Variants in COL14A1 observed in about 807,000 individuals in gnomAD.
The protein encoded by COL14A1 is collagen type XIV alpha 1 chain.
COL14A1 carries 136 observed loss-of-function variants against 230.3 expected under a neutral mutation model. The observed-to-expected ratio is 0.59, with a 90% CI of 0.51 to 0.68. COL14A1 has a LOEUF of 0.68. Ranked by LOEUF, COL14A1 falls within the 30% of genes least tolerant of loss-of-function variation. The probability of loss-of-function intolerance (pLI) is 0.00; values close to 1 mark genes in which losing one functional copy is unlikely to be tolerated. For missense variants in COL14A1, 1,976 were observed against 2,215.8 expected, an observed-to-expected ratio of 0.89 and a Z score of 2.17; for synonymous variants, 792 against 784.1, an observed-to-expected ratio of 1.01 and a Z score of -0.17.
intron 14 of COL14A1, among the ~76,000 whole-genome samples, chr8:120,220,101 A>AAT (rs1215594089): frequency 6.6e-6 from 1 of 152,066 alleles, no homozygotes; most frequent in Non-Finnish European, 1.5e-5. Context: ...CTAATTTTAG[A>AAT]ATATATAATT....
intron 23 of COL14A1, among the ~76,000 whole-genome samples, chr8:120,259,878 A>G (rs1819270353): frequency 6.6e-6 from 1 of 152,162 alleles, no homozygotes; most frequent in South Asian, 2.1e-4. Flanking sequence ...AGGGATAGCT[A>G]AGGGTCAAAA....
At chr8:120,332,520 A>T (rs1262399826) in intron 41 of COL14A1, 144 bp from the exon 42 acceptor site, 1 of 674,974 alleles carries the variant, frequency 1.5e-6, no homozygotes, top group East Asian at 2.8e-5. Flanking sequence ...CGTTTTTGGG[A>T]GTTGGGAACA....
At chr8:120,276,027 AAC>A (rs1382065547) in intron 26 of COL14A1, among the ~76,000 whole-genome samples, 1 of 151,906 alleles carries the variant, frequency 6.6e-6, no homozygotes, top group Non-Finnish European at 1.5e-5. Flanking sequence ...GACACCAGTA[AAC>A]ATATGTTTAT....
At chr8:120,213,904 C>CT (rs71571669) in intron 13 of COL14A1, 162,331 of 411,690 alleles carry the variant, frequency 0.39, 32,797 homozygotes, top group Middle Eastern at 0.47. Context: ...AATTATATTG[C>CT]TTTTTTTTCT....
chr8:120,244,060 G>A, intron 20 of COL14A1, 52 bp downstream of exon 20: 3 of 1,587,174 alleles, frequency 1.9e-6, no homozygotes, highest in Non-Finnish European at 2.6e-6. Flanking sequence ...AAATGGAAAT[G>A]CTTGTCCCCT....
intron 26 of COL14A1, among the ~76,000 whole-genome samples, chr8:120,272,684 A>G (rs746167123): frequency 6.6e-6 from 1 of 151,682 alleles, no homozygotes; most frequent in Non-Finnish European, 1.5e-5. Context: ...CAACAATAGT[A>G]GAAAAAAAAG....
Position 120,270,126 on chromosome 8 carries a change from A to C in COL14A1, c.3165A>C (p.Leu1055=), listed in dbSNP as rs138612865. Residue 1055 remains leucine, a synonymous_variant, in exon 26 of 48, where the codon CTA becomes CTC. Transcript: ENST00000297848. The part of the protein sequence containing the change: ...DENFNKIISF[L]YSTVGALNKI... ...ATTTCAATAAGATCATCAGCTTTCT[A>C]TACAGCACTGTTGGAGCCCTGAACA... 6.2e-7 allele frequency: 1 copy of C among 1,611,552 alleles called. No individual in the cohort carries two copies.
chr8:120,129,740 A>G (rs1814466168), intron 1 of COL14A1, among the ~76,000 whole-genome samples: 1 of 152,214 alleles, frequency 6.6e-6, no homozygotes, highest in African/African-American at 2.4e-5. Flanking sequence ...TTGGGAGCAG[A>G]GTGTCTGCCA....
chr8:120,165,567 A>G (rs987887500), intron 4 of COL14A1, among the ~76,000 whole-genome samples: 7 of 152,204 alleles, frequency 4.6e-5, no homozygotes, highest in Admixed American at 2.6e-4. Context: ...TGTTGTCGTA[A>G]GAAATACCAT....
At chr8:120,153,582 G>A (rs1815364681) in intron 2 of COL14A1, among the ~76,000 whole-genome samples, 1 of 152,134 alleles carries the variant, frequency 6.6e-6, no homozygotes, top group Admixed American at 6.6e-5. Flanking sequence ...AATATAATTG[G>A]TTGCCCTATC....
rs527453733 is a variant in COL14A1 at position 120,171,742 on chromosome 8, G to A, written c.436+3495G>A. ...GATTTCAGATTTATATCTTTCACCA[G>A]GATTAGAAAATTCTTAACCTTTAAC... On this transcript the variant is annotated intron_variant, in intron 5 of 47. Coordinates refer to ENST00000297848, the MANE Select transcript of COL14A1 (RefSeq NM_021110.4). Among the ~76,000 whole-genome samples the A allele has an allele frequency of 4.6e-5, 7 of 152,004 alleles. No homozygotes were observed. In the South Asian group the frequency reaches 1.5e-3, roughly 32 times the overall value.
Position 120,342,420 on chromosome 8 carries a change from G to C in COL14A1, c.4862G>C (p.Arg1621Pro). The C allele has an allele frequency of 6.2e-7, 1 of 1,613,924 alleles. No individual in the cohort carries two copies. Among genetic ancestry groups the C allele is most frequent in the Non-Finnish European group, 8.5e-7 (1 of 1,179,872 alleles). The change falls in exon 44 of 48, where the codon CGT (arginine) becomes CCT (proline). Residue 1621 changes from arginine to proline, a missense_variant. Transcript: ENST00000297848. ...QSQAMVRSVA[R>P]QVCEQLIQSH... ...CAAGCCATGGTGAGATCAGTGGCGC[G>C]TCAAGTATGCGAACAGCTCATCCAG...
chr8:120,335,199 C>A (rs1822012026), intron 42 of COL14A1, among the ~76,000 whole-genome samples: 1 of 152,122 alleles, frequency 6.6e-6, no homozygotes, highest in South Asian at 2.1e-4. Context: ...TATGATAGCA[C>A]CCTGCTCACC....
At position 120,332,870 on chromosome 8, in the gene COL14A1, T is replaced by C; in HGVS notation, c.4785+135T>C. 11 of 626,828 alleles carry C rather than the reference T, an allele frequency of 1.8e-5. No homozygotes were observed. In the South Asian group the frequency reaches 2.2e-4, roughly 12 times the overall value. 38.8% of individuals were successfully genotyped at this position (626,828 alleles called of 1,614,324 possible). On this transcript the variant is annotated intron_variant, in intron 42 of 47. Transcript: ENST00000297848. ...ACTCTATGGAAATTCATAAAGGAAA[T>C]TGGAAAAGCTTCTAGGATAAAGATG...
intron 24 of COL14A1, among the ~76,000 whole-genome samples, chr8:120,264,360 A>G (rs1170491049): frequency 6.6e-6 from 1 of 152,192 alleles, no homozygotes; most frequent in Non-Finnish European, 1.5e-5. Context: ...TGAAGTTAAT[A>G]GGAACCTGAT....
intron 23 of COL14A1, among the ~76,000 whole-genome samples, chr8:120,257,773 G>A (rs890363660): frequency 2.0e-5 from 3 of 152,186 alleles, no homozygotes; most frequent in Admixed American, 6.5e-5. Flanking sequence ...TTCCCCATGT[G>A]TTGGAATGAA....
intron 37 of COL14A1, 117 bp from the exon 38 acceptor site, chr8:120,313,815 C>G (rs1821120526): frequency 1.6e-6 from 1 of 634,510 alleles, no homozygotes; most frequent in Non-Finnish European, 2.7e-6. Context: ...TGAGTATTTC[C>G]TATCTTAAGA....
chr8:120,197,233 G>A (rs1002371230), intron 6 of COL14A1, among the ~76,000 whole-genome samples: 1 of 152,044 alleles, frequency 6.6e-6, no homozygotes, highest in Non-Finnish European at 1.5e-5. Flanking sequence ...TTGCATAGCA[G>A]TTTTCTTTTT....
Position 120,253,301 on chromosome 8 carries a change from G to A in COL14A1, c.2753-1939G>A, listed in dbSNP as rs192182729. Among the ~76,000 whole-genome samples the A allele has an allele frequency of 3.9e-3, 586 of 152,094 alleles. 5 individuals are homozygous for A. The highest frequency in any genetic ancestry group is 0.013 in the African/African-American group (547 of 41,490). ...TGGGATTACAGGCGTGAGCCACTAC[G>A]CCCAGCCCTGTGATTTTTTACTGGT... is the stretch of plus-strand genomic sequence containing the variant. On this transcript the variant is annotated intron_variant, in intron 22 of 47. Coordinates refer to ENST00000297848, the MANE Select transcript of COL14A1 (RefSeq NM_021110.4).
Sources: allele counts gnomAD v4.1 joint callset (sites outside exome capture counted in the v4.1 genomes callset), GRCh38; gene constraint gnomAD v4.1.1; transcripts MANE v1.5; gene names NCBI Gene and HGNC (gene_info 2026-07-23, HGNC 2026-07-21).